The following ADCY5 variants were observed in gnomAD, a reference collection of about 807,000 sequenced individuals.
ADCY5 encodes the protein adenylate cyclase type 5.
Under a neutral mutation model 119.7 loss-of-function variants are expected in ADCY5, and 30 were observed. That is an observed-to-expected ratio of 0.25 (90% CI 0.19 to 0.34). The LOEUF is 0.34. Among genes scored for constraint, ADCY5 ranks in the 10% least tolerant of loss-of-function variants. ADCY5 has a pLI of 1.00. For missense variants in ADCY5, 1,324 were observed against 1,775.2 expected, an observed-to-expected ratio of 0.75 and a Z score of 4.57; for synonymous variants, 753 against 762.2, an observed-to-expected ratio of 0.99 and a Z score of 0.20.
chr3:123,314,916 G>A (rs1018138642), intron 11 of ADCY5, among the ~76,000 whole-genome samples: 10 of 150,876 alleles, frequency 6.6e-5, no homozygotes, highest in African/African-American at 1.7e-4. Flanking sequence ...AACAAGTCCC[G>A]CAGTTTTTGC....
At chr3:123,330,211 CCTCTGACCTTGCCCTCTGTGCCTTTTTT>C (rs1203590460) in intron 5 of ADCY5, among the ~76,000 whole-genome samples, 1 of 152,234 alleles carries the variant, frequency 6.6e-6, no homozygotes, top group Non-Finnish European at 1.5e-5. Flanking sequence ...GCCACTCCCG[CCTCTGACCTTGCCCTCTGTGCCTTTTTT>C]CTCTGCCCCT....
intron 14 of ADCY5, 65 bp downstream of exon 14, chr3:123,302,990 C>T (rs541352408): frequency 7.7e-6 from 12 of 1,561,896 alleles, no homozygotes; most frequent in East Asian, 6.7e-5. Context: ...TGAGCAGCTG[C>T]AGTGACAGTG....
At chr3:123,293,059 G>A (rs553697035) in intron 17 of ADCY5, among the ~76,000 whole-genome samples, 4 of 152,320 alleles carry the variant, frequency 2.6e-5, no homozygotes, top group Non-Finnish European at 4.4e-5. Context: ...ACAGGTGGGC[G>A]CCTGACAATG....
chr3:123,330,000 T>TC (rs979621735), intron 5 of ADCY5, among the ~76,000 whole-genome samples: 14 of 152,334 alleles, frequency 9.2e-5, no homozygotes, highest in Admixed American at 4.6e-4. Context: ...TCCTGGGCCC[T>TC]CCTTCAATAG....
intron 7 of ADCY5, among the ~76,000 whole-genome samples, chr3:123,327,306 G>A (rs1033802173): frequency 6.6e-6 from 1 of 152,184 alleles, no homozygotes; most frequent in Admixed American, 6.5e-5. Context: ...AAAGGAGAGA[G>A]ATGGAGATAA....
At chr3:123,426,197 C>T (rs1439422923) in intron 1 of ADCY5, among the ~76,000 whole-genome samples, 1 of 152,120 alleles carries the variant, frequency 6.6e-6, no homozygotes, top group African/African-American at 2.4e-5. Flanking sequence ...CAAGGAGAAA[C>T]ACCCTGCAGC....
intron 8 of ADCY5, among the ~76,000 whole-genome samples, chr3:123,324,830 G>A (rs886574673): frequency 6.6e-6 from 1 of 152,294 alleles, no homozygotes; most frequent in African/African-American, 2.4e-5. Flanking sequence ...AGGGCAAAGG[G>A]GACCACCACC....
intron 17 of ADCY5, among the ~76,000 whole-genome samples, chr3:123,293,577 G>A (rs954534971): frequency 1.3e-5 from 2 of 151,700 alleles, no homozygotes; most frequent in African/African-American, 4.9e-5. Flanking sequence ...GCACACAGGT[G>A]AGGAGGGGGT....
rs756037688 is a variant in ADCY5, at chr3:123,325,455, T to C, written c.1955A>G (p.Glu652Gly). ...ILRCTQKRKE[E>G]KAMIAKMNRQ... ...GTTCATCTTGGCGATCATGGCCTTC[T>C]CTTCTTTCTGGAAGACGAACACAGA... Residue 652 changes from glutamate to glycine, a missense_variant, in exon 8 of 21, where the codon GAG becomes GGG. Physicochemically the swap from Glu to Gly is moderately conservative, Grantham distance 98. This residue lies in a region of ADCY5 where 424 missense variants were observed against 546.8 expected (regional missense o/e 0.78). Transcript: ENST00000462833. 1 of 1,613,952 alleles carries C rather than the reference T, an allele frequency of 6.2e-7. No homozygotes were observed. Among genetic ancestry groups the C allele is most frequent in the South Asian group, 1.1e-5 (1 of 91,088 alleles).
intron 1 of ADCY5, among the ~76,000 whole-genome samples, chr3:123,419,776 C>T (rs1945263210): frequency 6.6e-6 from 1 of 152,116 alleles, no homozygotes; most frequent in South Asian, 2.1e-4. Flanking sequence ...CTTCATGAAA[C>T]CTTCCCTGGG....
intron 3 of ADCY5, among the ~76,000 whole-genome samples, chr3:123,339,280 C>T (rs985052168): frequency 6.6e-6 from 1 of 152,204 alleles, no homozygotes; most frequent in East Asian, 1.9e-4. Flanking sequence ...TTTGGGCTCA[C>T]ATGTCCCTAG....
At chr3:123,338,847 T>G (rs533962410) in intron 3 of ADCY5, among the ~76,000 whole-genome samples, 2 of 152,354 alleles carry the variant, frequency 1.3e-5, no homozygotes, top group Admixed American at 6.5e-5. Flanking sequence ...TTGTTCCATC[T>G]TGCTGCCAAC....
At position 123,300,274 on chromosome 3, in the gene ADCY5, G is replaced by C. The variant is rs1385804209; in HGVS notation, c.2746C>G (p.Leu916Val). The change falls in exon 15 of 21, where the codon CTC becomes GTC. Residue 916 changes from leucine (L) to valine (V), a missense_variant. Around this residue, in one of 6 missense-constraint regions of ADCY5, gnomAD observed 424 missense variants for 546.8 expected, o/e 0.78. Transcript: ENST00000462833. ...AACACGGAGCAGGCCAGCAGGCTGA[G>C]CAGCACGCTGTAGGTGAAGTACTGC... ...FPEYFTYSVL[L>V]SLLACSVFLQ... 1 of 1,613,450 alleles carries C rather than the reference G, an allele frequency of 6.2e-7. No homozygotes were observed. The highest frequency in any genetic ancestry group is 8.5e-7 in the Non-Finnish European group (1 of 1,180,030).
Position 123,325,403 on chromosome 3 carries a change from G to T in ADCY5, c.2007C>A (p.His669Gln). ...MNRQRTNSIG[H>Q]NPPHWGAERP... ...GCTCAGCCCCCCAGTGTGGTGGGTTGTGCCCGATGGAGTTGGTTCTCTGGC... is the reference window on the plus strand; with the variant it reads ...GCTCAGCCCCCCAGTGTGGTGGGTTTTGCCCGATGGAGTTGGTTCTCTGGC... The change falls in exon 8 of 21, where the codon CAC (histidine) becomes CAA (glutamine). Residue 669 changes from histidine to glutamine, a missense_variant. Physicochemically the swap from His to Gln is conservative, Grantham distance 24. This residue lies in a region of ADCY5 where 424 missense variants were observed against 546.8 expected (regional missense o/e 0.78). Transcript: ENST00000462833. The T allele has an allele frequency of 6.2e-7, 1 of 1,614,186 alleles. No homozygotes were observed. Among genetic ancestry groups the T allele is most frequent in the African/African-American group, 1.3e-5 (1 of 75,060 alleles).
rs112525497 is a variant in ADCY5 at position 123,347,708 on chromosome 3, A to AAAGG, written c.1406+70_1406+73dup. 1,577,627 of 1,580,122 alleles carry AAAGG rather than the reference A, an allele frequency of 1. 787,600 individuals are homozygous for AAAGG. The highest frequency in any genetic ancestry group is 1 in the East Asian group (44,386 of 44,386). On this transcript the variant is annotated intron_variant, in intron 3 of 20. Transcript: ENST00000462833. ...CACCCTGTCGGGCTGTGCCCACTTG[A>AAAGG]AAGGAAGTGGGATGTCTCCACAGGG...
chr3:123,419,002 T>C (rs865859491), intron 1 of ADCY5: 2 of 347,352 alleles, frequency 5.8e-6, no homozygotes, highest in South Asian at 2.3e-4. Flanking sequence ...GTCACTGGCT[T>C]TTCTGGTCCT....
chr3:123,314,177 C>T, intron 12 of ADCY5, 58 bp downstream of exon 12: 1 of 1,466,964 alleles, frequency 6.8e-7, no homozygotes, highest in Non-Finnish European at 9.4e-7. Flanking sequence ...GGTAGGGCCC[C>T]TAGGGCTGAG....
At chr3:123,418,815 G>C (rs988925827) in intron 1 of ADCY5, 1 of 152,200 alleles carries the variant, frequency 6.6e-6, no homozygotes, top group African/African-American at 2.4e-5. Context: ...TCCACTGAAG[G>C]CTTGAATAGA....
intron 1 of ADCY5, among the ~76,000 whole-genome samples, chr3:123,373,586 A>G (rs1239626793): frequency 6.6e-6 from 1 of 152,188 alleles, no homozygotes; most frequent in Non-Finnish European, 1.5e-5. Flanking sequence ...GTCCTTGACA[A>G]AGGAGTGAGT....
Sources: gnomAD v4.1 joint callset for allele counts (sites outside exome capture counted in the v4.1 genomes callset) on GRCh38, gnomAD v4.1.1 for gene constraint, gnomAD v4.1.1 regional missense constraint, MANE v1.5 for transcripts, NCBI Gene and HGNC (gene_info 2026-07-23, HGNC 2026-07-21) for gene names.